Variants in KIF11 observed in about 807,000 individuals in gnomAD.
KIF11 encodes kinesin family member 11.
KIF11 carries 9 observed loss-of-function variants against 121.0 expected under a neutral mutation model. That is an observed-to-expected ratio of 0.07 (90% CI 0.04 to 0.13). The LOEUF (loss-of-function observed/expected upper bound fraction) is 0.13, where lower values mean the gene tolerates loss of function less well. Among genes scored for constraint, KIF11 ranks in the 10% least tolerant of loss-of-function variants. KIF11 has a pLI of 1.00. For synonymous variants in KIF11, 408 were observed against 421.0 expected, an observed-to-expected ratio of 0.97 and a Z score of 0.38; for missense variants, 846 against 1,217.5, an observed-to-expected ratio of 0.69 and a Z score of 4.54.
rs1844464862 is a variant in KIF11 at position 92,609,275 on chromosome 10, AG to A, written c.573+71del. The A allele has an allele frequency of 3.9e-6, 3 of 766,230 alleles. No individual in the cohort carries two copies. The East Asian group carries it at 1.2e-4, about 31-fold the overall frequency. The allele number at this position is 766,230 out of a possible 1,614,324, so 47.5% of individuals were successfully genotyped here. On this transcript the variant is annotated intron_variant, in intron 5 of 21. Coordinates refer to ENST00000260731, the MANE Select transcript of KIF11 (RefSeq NM_004523.4). ...TGAGGCTTTGAGAAGTCAGAGAGAG[AG>A]AGAGAGAGAGAGAGAGAGAGAGAGA...
Position 92,653,762 on chromosome 10 carries a change from G to A in KIF11, c.3137G>A (p.Ser1046Asn), listed in dbSNP as rs1464457023. 6.2e-7 allele frequency: 1 copy of A among 1,613,918 alleles called. No individual in the cohort carries two copies. Among genetic ancestry groups the A allele is most frequent in the African/African-American group, 1.3e-5 (1 of 74,926 alleles). Residue 1046 changes from serine to asparagine, a missense_variant, in exon 22 of 22, where the codon AGC (serine) becomes AAC (asparagine). Transcript: ENST00000260731. ...ACTACAGAGCACTTGGTTACAAAGAGCAGATTACCTCTGCGAGCCCAGATC... is the reference window on the plus strand; with the variant it reads ...ACTACAGAGCACTTGGTTACAAAGAACAGATTACCTCTGCGAGCCCAGATC... ...EETTEHLVTK[S>N]RLPLRAQINL
At chr10:92,639,627 CTTCCACTGCT>C (rs1453576029) in intron 16 of KIF11, among the ~76,000 whole-genome samples, 157 bp from the exon 17 acceptor site, 4 of 152,044 alleles carry the variant, frequency 2.6e-5, no homozygotes, top group Non-Finnish European at 5.9e-5. Context: ...TTTAATATCA[CTTCCACTGCT>C]TTCCTCTGTA....
rs906247049 is a variant in KIF11, at chr10:92,654,033, G to T, written c.*237G>T. The T allele has an allele frequency of 3.5e-5, 11 of 316,016 alleles. No homozygotes were observed. Among genetic ancestry groups the T allele is most frequent in the Non-Finnish European group, 6.0e-5 (10 of 165,618 alleles). The allele number at this position is 316,016 out of a possible 1,614,324, so 19.6% of individuals were successfully genotyped here. ...ACCTCGTCTCTGTTAAAAATTAGCC[G>T]GGCGTGGTGGCACACTCCTGTAATC... On this transcript the variant is annotated 3_prime_UTR_variant, in exon 22 of 22. Coordinates refer to ENST00000260731, the MANE Select transcript of KIF11 (RefSeq NM_004523.4).
chr10:92,614,602 T>G (rs916175869), intron 8 of KIF11, among the ~76,000 whole-genome samples: 2 of 152,060 alleles, frequency 1.3e-5, no homozygotes, highest in Admixed American at 6.6e-5. Flanking sequence ...GAGATTTAAT[T>G]GAGGACTTAG....
intron 9 of KIF11, among the ~76,000 whole-genome samples, chr10:92,620,782 C>A (rs1462640740): frequency 6.6e-6 from 1 of 152,166 alleles, no homozygotes; most frequent in Non-Finnish European, 1.5e-5. Flanking sequence ...TTTGTAAAAC[C>A]ATCAGATCTC....
In KIF11 at chr10:92,645,701, T is replaced by G. The variant is rs1844911505; in HGVS notation, c.2547+59T>G. ...AGAATAATAATCAGAAAGTTAAATA[T>G]TCTTGGCTAAGAATAGATTTCAAAA... On this transcript the variant is annotated intron_variant, in intron 18 of 21. Coordinates refer to ENST00000260731, the MANE Select transcript of KIF11 (RefSeq NM_004523.4). 3 of 1,279,470 alleles carry G rather than the reference T, an allele frequency of 2.3e-6. No individual in the cohort carries two copies. In the Admixed American group the frequency reaches 7.0e-5, roughly 30 times the overall value. The allele number at this position is 1,279,470 out of a possible 1,614,324, so 79.3% of individuals were successfully genotyped here.
intron 1 of KIF11, among the ~76,000 whole-genome samples, chr10:92,603,281 T>TTTC (rs1400161629): frequency 1.4e-5 from 2 of 148,092 alleles, no homozygotes; most frequent in East Asian, 2.0e-4. Flanking sequence ...TTTTTTTTTT[T>TTTC]TGAGACAGAG....
intron 1 of KIF11, among the ~76,000 whole-genome samples, chr10:92,604,113 G>A (rs1361008234): frequency 6.6e-6 from 1 of 152,132 alleles, no homozygotes; most frequent in Non-Finnish European, 1.5e-5. Flanking sequence ...CCAACAAATT[G>A]ATGGATTTGT....
At chr10:92,653,162 T>G (rs1845005882) in intron 21 of KIF11, among the ~76,000 whole-genome samples, 1 of 152,248 alleles carries the variant, frequency 6.6e-6, no homozygotes. Flanking sequence ...AAATCTTTGT[T>G]TCCTTAGAGC....
At chr10:92,622,910 G>T (rs1215086273) in intron 10 of KIF11, among the ~76,000 whole-genome samples, 1 of 152,068 alleles carries the variant, frequency 6.6e-6, no homozygotes, top group Non-Finnish European at 1.5e-5. Context: ...AAAGTGAAGA[G>T]GAAAGCACTG....
chr10:92,617,821 C>A (rs1012533725), intron 9 of KIF11, among the ~76,000 whole-genome samples: 1 of 151,596 alleles, frequency 6.6e-6, no homozygotes, highest in African/African-American at 2.4e-5. Context: ...CTCAGTGCAA[C>A]CTCCGCCTCC....
Position 92,628,912 on chromosome 10 carries a change from A to G in KIF11, c.1305+17A>G. ...CTGAATAGGGTAAGCACTTAAAATG[A>G]TATTTACTGTTATGTGAAAAGCAAA... On this transcript the variant is annotated intron_variant, in intron 11 of 21. Transcript: ENST00000260731. 3 of 1,294,802 alleles carry G rather than the reference A, an allele frequency of 2.3e-6. No individual in the cohort carries two copies. In the South Asian group the frequency reaches 3.8e-5, roughly 17 times the overall value. 80.2% of individuals were successfully genotyped at this position (1,294,802 alleles called of 1,614,324 possible). A position where few individuals can be genotyped will look rare whatever the true frequency, so the allele number is the denominator to read the frequency against.
At chr10:92,651,786 A>T (rs1844988623) in intron 21 of KIF11, among the ~76,000 whole-genome samples, 1 of 151,798 alleles carries the variant, frequency 6.6e-6, no homozygotes, top group Admixed American at 6.6e-5. Context: ...GGTAAGTAGG[A>T]GGATTCCAAT....
chr10:92,621,484 G>GGCACACCCT lies in KIF11; in HGVS notation c.1217+13_1217+14insACACCCTGC. ...TGAAGAAAATTTTAGGTAAGCCCTT[G>GGCACACCCT]GCTATGGAGTTAATTTCCAAGAATA... On this transcript the variant is annotated intron_variant, in intron 10 of 21. Transcript: ENST00000260731. 16 of 1,519,794 alleles carry GGCACACCCT rather than the reference G, an allele frequency of 1.1e-5. No individual in the cohort carries two copies. The highest frequency in any genetic ancestry group is 1.5e-5 in the Non-Finnish European group (16 of 1,098,618). The allele number at this position is 1,519,794 out of a possible 1,614,324, so 94.1% of individuals were successfully genotyped here. A position where few individuals can be genotyped will look rare whatever the true frequency, so the allele number is the denominator to read the frequency against.
intron 11 of KIF11, among the ~76,000 whole-genome samples, chr10:92,629,765 A>G (rs1434928175): frequency 5.9e-5 from 9 of 152,042 alleles, no homozygotes; most frequent in African/African-American, 2.2e-4. Context: ...GGCATGCACT[A>G]CCATGCCCGG....
chr10:92,630,187 G>A lies in KIF11; in HGVS notation c.1317G>A (p.Leu439=). 1 of 1,557,108 alleles carries A rather than the reference G, an allele frequency of 6.4e-7. No individual in the cohort carries two copies. Among genetic ancestry groups the A allele is most frequent in the Non-Finnish European group, 8.7e-7 (1 of 1,151,222 alleles). Residue 439 remains leucine (L), a synonymous_variant, in exon 12 of 22, where the codon TTG becomes TTA. Coordinates refer to ENST00000260731, the MANE Select transcript of KIF11 (RefSeq NM_004523.4). ...ATTCTTATATTTAGGTTACAGAGTTGTTTATGGATAATAAAAATGAACTTG... is the reference window on the plus strand; with the variant it reads ...ATTCTTATATTTAGGTTACAGAGTTATTTATGGATAATAAAAATGAACTTG... ...VEEELNRVTE[L]FMDNKNELDQ...
At position 92,606,309 on chromosome 10, in the gene KIF11, T is replaced by C. The variant is rs1424458022; in HGVS notation, c.122T>C (p.Val41Ala). 5 of 1,609,622 alleles carry C rather than the reference T, an allele frequency of 3.1e-6. No individual in the cohort carries two copies. The highest frequency in any genetic ancestry group is 4.2e-6 in the Non-Finnish European group (5 of 1,179,024). The change falls in exon 2 of 22, where the codon GTA (valine) becomes GCA (alanine). Residue 41 changes from valine (V) to alanine (A), a missense_variant. Physicochemically the swap from Val to Ala is moderately conservative, Grantham distance 64. Coordinates refer to ENST00000260731, the MANE Select transcript of KIF11 (RefSeq NM_004523.4). ...AERKASAHSI[V>A]ECDPVRKEVS... is the part of the protein sequence containing the mutation. ...CGGAAAGCTAGCGCCCATTCAATAG[T>C]AGAATGTGATCCTGTACGAAAAGAA...
At chr10:92,612,051 G>C (rs1317421713) in intron 6 of KIF11, among the ~76,000 whole-genome samples, 1 of 151,636 alleles carries the variant, frequency 6.6e-6, no homozygotes, top group Non-Finnish European at 1.5e-5. Context: ...AATGTCTTTG[G>C]TCATCTGTAT....
intron 2 of KIF11, 59 bp from the exon 3 acceptor site, chr10:92,606,560 A>G: frequency 7.8e-7 from 1 of 1,277,150 alleles, no homozygotes; most frequent in Non-Finnish European, 1.1e-6. Flanking sequence ...ACGAAAAACA[A>G]AATTATTAAA....
Sources: gnomAD v4.1 joint callset for allele counts (sites outside exome capture counted in the v4.1 genomes callset) on GRCh38, gnomAD v4.1.1 for gene constraint, MANE v1.5 for transcripts, NCBI Gene and HGNC (gene_info 2026-07-23, HGNC 2026-07-21) for gene names.